Variants in MACF1 observed in about 807,000 individuals in gnomAD.
The protein encoded by MACF1 is microtubule-actin cross-linking factor 1.
MACF1 carries 193 observed loss-of-function variants against 854.8 expected under a neutral mutation model. That is an observed-to-expected ratio of 0.23 (90% CI 0.20 to 0.25). MACF1 has a LOEUF of 0.25. Among genes scored for constraint, MACF1 ranks in the 10% least tolerant of loss-of-function variants. The probability of loss-of-function intolerance (pLI) is 1.00; values close to 1 mark genes in which losing one functional copy is unlikely to be tolerated. For missense variants in MACF1, 7,722 were observed against 8,929.1 expected, an observed-to-expected ratio of 0.86 and a Z score of 5.45; for synonymous variants, 3,185 against 3,226.7, an observed-to-expected ratio of 0.99 and a Z score of 0.44.
Position 39,333,713 on chromosome 1 carries a change from C to T in MACF1, c.7125C>T (p.Asp2375=). The change falls in exon 37 of 101, where the codon GAC becomes GAT. Residue 2375 remains aspartate, a synonymous_variant. Coordinates refer to ENST00000564288, the MANE Select transcript of MACF1 (RefSeq NM_001394062.1). Reference sequence around the variant, plus strand: ...ACAAAGCTATAAGTGGTGTCTTAGACCCCCGTACCCAGACACTGTGCTCTG... The same window carrying T: ...ACAAAGCTATAAGTGGTGTCTTAGATCCCCGTACCCAGACACTGTGCTCTG... ...MADKAISGVL[D]PRTQTLCSVK... The T allele has an allele frequency of 6.2e-7, 1 of 1,614,098 alleles. No individual in the cohort carries two copies. Among genetic ancestry groups the T allele is most frequent in the Non-Finnish European group, 8.5e-7 (1 of 1,180,008 alleles).
chr1:39,247,969 C>G (rs548755761), intron 2 of MACF1, among the ~76,000 whole-genome samples: 29 of 152,272 alleles, frequency 1.9e-4, no homozygotes, highest in African/African-American at 7.0e-4. Flanking sequence ...TTGCCGTGAG[C>G]CAAGATTGTG....
At chr1:39,276,183 G>T (rs542723397) in intron 6 of MACF1, among the ~76,000 whole-genome samples, 2 of 152,196 alleles carry the variant, frequency 1.3e-5, no homozygotes, top group African/African-American at 4.8e-5. Context: ...GCCTCCCAAA[G>T]TGGTGGGATT....
At chr1:39,430,124 T>C in intron 65 of MACF1, 56 bp downstream of exon 65, 1 of 1,559,610 alleles carries the variant, frequency 6.4e-7, no homozygotes, top group Non-Finnish European at 8.6e-7. Flanking sequence ...GTCAGAATCC[T>C]TAAGTTTTAT....
chr1:39,326,597 C>A (rs1646616393), intron 35 of MACF1, among the ~76,000 whole-genome samples: 1 of 145,508 alleles, frequency 6.9e-6, no homozygotes, highest in Non-Finnish European at 1.5e-5. Flanking sequence ...AGGAGAATCA[C>A]TTGAACCTGG....
rs10585991 is a variant in MACF1 at position 39,123,203 on chromosome 1, ATTTTTTT to A, written c.220+38783_220+38789del. Among the ~76,000 whole-genome samples, 519 of 111,924 alleles carry A rather than the reference ATTTTTTT, an allele frequency of 4.6e-3. 1 individual carries two copies. Among genetic ancestry groups the A allele is most frequent in the South Asian group, 6.6e-3 (22 of 3,342 alleles). 73.4% of individuals were successfully genotyped at this position (111,924 alleles called of 152,430 possible). On this transcript the variant is annotated intron_variant, in intron 2 of 93. Coordinates refer to the MACF1 transcript ENST00000361689. ...GCTTGTTAGATACATATATATATAA[ATTTTTTT>A]TTTTTTTTTTTTTTTTTGAGAGAGT...
chr1:39,382,977 C>T (rs755100897), intron 56 of MACF1, among the ~76,000 whole-genome samples: 29 of 151,818 alleles, frequency 1.9e-4, no homozygotes, highest in Non-Finnish European at 3.8e-4. Context: ...AACAATTAGC[C>T]GGGCGTGGTG....
rs1644717047 is a variant in MACF1 at position 39,468,654 on chromosome 1, C to T, written c.21811C>T (p.Arg7271Cys). 4 of 1,614,006 alleles carry T rather than the reference C, an allele frequency of 2.5e-6. No homozygotes were observed. Among genetic ancestry groups the T allele is most frequent in the South Asian group, 1.1e-5 (1 of 91,092 alleles). The change falls in exon 96 of 101, where the codon CGC becomes TGC. Residue 7271 changes from arginine to cysteine, a missense_variant. Transcript: ENST00000564288. ...SQQLRLVRIL[R>C]STVMVRVGGG... Reference sequence around the variant, plus strand: ...GCAGTTGCGGCTGGTCCGTATTCTGCGCAGCACCGTGATGGTTCGCGTTGG... The same window carrying T: ...GCAGTTGCGGCTGGTCCGTATTCTGTGCAGCACCGTGATGGTTCGCGTTGG...
intron 58 of MACF1, among the ~76,000 whole-genome samples, chr1:39,394,396 T>C (rs1642193443): frequency 6.6e-6 from 1 of 151,940 alleles, no homozygotes; most frequent in Non-Finnish European, 1.5e-5. Context: ...CTGAGGTGGG[T>C]GGATCACCTG....
At chr1:39,367,523 A>G (rs192473562) in intron 49 of MACF1, among the ~76,000 whole-genome samples, 1 of 152,276 alleles carries the variant, frequency 6.6e-6, no homozygotes, top group East Asian at 1.9e-4. Context: ...AATGTTAAAT[A>G]ATAGTGGAGA....
At chr1:39,412,855 C>A (rs753726510) in intron 58 of MACF1, 3 of 1,610,764 alleles carry the variant, frequency 1.9e-6, no homozygotes, top group Non-Finnish European at 2.5e-6. Context: ...TGCTGCAGTG[C>A]CTGCCCCAGA....
intron 2 of MACF1, among the ~76,000 whole-genome samples, chr1:39,124,809 A>G (rs1194531195): frequency 6.6e-6 from 1 of 152,234 alleles, no homozygotes; most frequent in East Asian, 1.9e-4. Flanking sequence ...AATAAATATT[A>G]TCTCCATTTT....
intron 2 of MACF1, among the ~76,000 whole-genome samples, chr1:39,139,266 C>CT (rs1420720864): frequency 6.6e-6 from 1 of 151,024 alleles, no homozygotes; most frequent in Non-Finnish European, 1.5e-5. Context: ...CTTGTTTACC[C>CT]TTTACCTTTT....
At chr1:39,323,594 G>A (rs1027198521) in intron 33 of MACF1, among the ~76,000 whole-genome samples, 1 of 151,882 alleles carries the variant, frequency 6.6e-6, no homozygotes, top group African/African-American at 2.4e-5. Flanking sequence ...CCAAATTTCT[G>A]GGGAAATAAC....
intron 97 of MACF1, among the ~76,000 whole-genome samples, chr1:39,476,120 G>C (rs1478773369): frequency 6.6e-6 from 1 of 152,026 alleles, no homozygotes; most frequent in Non-Finnish European, 1.5e-5. Flanking sequence ...CCAGAATGAA[G>C]TAAATTTAAT....
At chr1:39,170,707 A>C (rs1028806920) in intron 2 of MACF1, among the ~76,000 whole-genome samples, 2 of 152,378 alleles carry the variant, frequency 1.3e-5, no homozygotes, top group Non-Finnish European at 2.9e-5. Flanking sequence ...GGGATATACC[A>C]GTAAATAAAG....
chr1:39,381,423 A>G (rs1373241959), intron 55 of MACF1, among the ~76,000 whole-genome samples: 3 of 144,260 alleles, frequency 2.1e-5, no homozygotes, highest in Non-Finnish European at 4.5e-5. Context: ...GCTGGAGTAC[A>G]GTGGCACAAT....
chr1:39,125,680 C>G (rs1237095631), intron 2 of MACF1, among the ~76,000 whole-genome samples: 8 of 152,132 alleles, frequency 5.3e-5, no homozygotes, highest in Non-Finnish European at 5.9e-5. Flanking sequence ...TTTAAATAAT[C>G]CATCTTTTTG....
intron 23 of MACF1, among the ~76,000 whole-genome samples, chr1:39,308,821 A>G (rs1646241495): frequency 6.6e-6 from 1 of 151,814 alleles, no homozygotes; most frequent in Non-Finnish European, 1.5e-5. Flanking sequence ...ACACCTGGCT[A>G]ATTTTTGTAT....
chr1:39,399,371 CT>C (rs1330401656), intron 58 of MACF1, among the ~76,000 whole-genome samples: 90 of 96,734 alleles, frequency 9.3e-4, no homozygotes, highest in South Asian at 2.0e-3. Flanking sequence ...CTTTATAAAG[CT>C]TTTTTTTTTT....
Sources: gnomAD v4.1 joint callset for allele counts (sites outside exome capture counted in the v4.1 genomes callset) on GRCh38, gnomAD v4.1.1 for gene constraint, MANE v1.5 for transcripts, NCBI Gene and HGNC (gene_info 2026-07-23, HGNC 2026-07-21) for gene names.